PPM1L: variants seen among roughly 807,000 people sequenced by gnomAD.
The protein encoded by PPM1L is protein phosphatase 1L.
In PPM1L, 13 loss-of-function variants were observed where a neutral mutation model predicts 31.4. The observed-to-expected ratio is 0.41, with a 90% confidence interval of 0.27 to 0.66. PPM1L has a LOEUF of 0.66. Among genes scored for constraint, PPM1L ranks in the 30% least tolerant of loss-of-function variants. PPM1L has a pLI of 0.29. For synonymous variants in PPM1L, 184 were observed against 175.4 expected (o/e 1.05, Z -0.39); for missense variants, 326 against 453.7 (o/e 0.72, Z 2.56).
At position 160,871,948 on chromosome 3, in the gene PPM1L, T is replaced by A. The variant is rs777055754; in HGVS notation, c.400-89788T>A. On this transcript the variant is annotated intron_variant, in intron 1 of 3. Coordinates refer to ENST00000498165, the MANE Select transcript of PPM1L (RefSeq NM_139245.4). Reference sequence around the variant, plus strand: ...TATTTTAATTAAAGCATCTTTTTTTTAATTATTTATCTTATCCAGCAGTCA... The same window carrying A: ...TATTTTAATTAAAGCATCTTTTTTTAAATTATTTATCTTATCCAGCAGTCA... Among the ~76,000 whole-genome samples the A allele has an allele frequency of 4.5e-4, 68 of 152,208 alleles. 1 individual carries two copies. Among genetic ancestry groups the A allele is most frequent in the Non-Finnish European group, 7.9e-4 (54 of 68,038 alleles).
chr3:160,954,447 C>T (rs992238035), intron 1 of PPM1L, among the ~76,000 whole-genome samples: 2 of 151,902 alleles, frequency 1.3e-5, no homozygotes, highest in African/African-American at 4.8e-5. Flanking sequence ...CTGCAACCTC[C>T]ACCTCCCGGG....
rs375567864 is a variant in PPM1L, at chr3:160,965,140, A to G, written c.574+3230A>G. 2.1e-4 allele frequency among the ~76,000 whole-genome samples: 32 copies of G among 151,552 alleles called. 1 individual carries two copies. In the South Asian group the frequency reaches 6.5e-3, roughly 31 times the overall value. On this transcript the variant is annotated intron_variant, in intron 2 of 3. Transcript: ENST00000498165. ...GTGGTGGGCGCCTGTAGTCCCAGCT[A>G]CTCGGGAGGCTGAGGCAGGAGAATG...
At chr3:160,956,680 C>A (rs373081879) in intron 1 of PPM1L, among the ~76,000 whole-genome samples, 2 of 152,158 alleles carry the variant, frequency 1.3e-5, no homozygotes, top group Admixed American at 1.3e-4. Context: ...GCCATTTTGG[C>A]GTGTGAATTA....
At chr3:160,812,148 C>T (rs1712831631) in intron 1 of PPM1L, among the ~76,000 whole-genome samples, 1 of 152,214 alleles carries the variant, frequency 6.6e-6, no homozygotes, top group African/African-American at 2.4e-5. Context: ...TGGGCCTCTG[C>T]ACTGGATACT....
chr3:161,060,353 G>A (rs556103828), intron 2 of PPM1L, among the ~76,000 whole-genome samples: 1 of 152,278 alleles, frequency 6.6e-6, no homozygotes. Context: ...CCTTGAGCAA[G>A]GAAGGGAGTG....
intron 1 of PPM1L, among the ~76,000 whole-genome samples, chr3:160,762,738 A>G (rs111809933): frequency 0.016 from 2,494 of 152,196 alleles, 60 homozygotes; most frequent in African/African-American, 0.057. Context: ...GATATTAGAG[A>G]TTGAAGAAAA....
rs191686759 is a variant in PPM1L, at chr3:161,038,701, A to C, written c.575-26702A>C. Reference sequence around the variant, plus strand: ...TATTATAGTCTAGTCTCCCCTCTTAAGTGATTAATCTGAAAATCATGTGAA... The same window carrying C: ...TATTATAGTCTAGTCTCCCCTCTTACGTGATTAATCTGAAAATCATGTGAA... On this transcript the variant is annotated intron_variant, in intron 2 of 3. Transcript: ENST00000498165. Among the ~76,000 whole-genome samples the C allele has an allele frequency of 5.3e-5, 8 of 151,724 alleles. No homozygotes were observed. The East Asian group carries it at 1.4e-3, about 26-fold the overall frequency.
At chr3:160,836,415 A>G (rs1194264519) in intron 1 of PPM1L, among the ~76,000 whole-genome samples, 1 of 152,168 alleles carries the variant, frequency 6.6e-6, no homozygotes, top group East Asian at 1.9e-4. Context: ...CCGCTCTGTT[A>G]CTGATCTTGT....
At chr3:161,005,603 C>T (rs955117847) in intron 2 of PPM1L, among the ~76,000 whole-genome samples, 2 of 152,048 alleles carry the variant, frequency 1.3e-5, no homozygotes, top group Middle Eastern at 3.2e-3. Flanking sequence ...CACATGATCT[C>T]GGGCATGTTA....
At chr3:160,881,449 G>A (rs1712709584) in intron 1 of PPM1L, among the ~76,000 whole-genome samples, 1 of 152,138 alleles carries the variant, frequency 6.6e-6, no homozygotes, top group African/African-American at 2.4e-5. Context: ...GTGTGAGAAA[G>A]TATGTCAAGC....
intron 2 of PPM1L, among the ~76,000 whole-genome samples, chr3:161,045,821 A>G (rs1719043082): frequency 6.6e-6 from 1 of 152,138 alleles, no homozygotes; most frequent in African/African-American, 2.4e-5. Flanking sequence ...CCTTCAAAAA[A>G]TCAATGAGGG....
chr3:160,991,441 C>G (rs6441346), intron 2 of PPM1L, among the ~76,000 whole-genome samples: 1 of 151,934 alleles, frequency 6.6e-6, no homozygotes, highest in Non-Finnish European at 1.5e-5. Flanking sequence ...TAAGAATCCC[C>G]AAGGAGAGTT....
intron 2 of PPM1L, among the ~76,000 whole-genome samples, chr3:160,988,540 A>C (rs1302413111): frequency 6.6e-6 from 1 of 152,202 alleles, no homozygotes; most frequent in Admixed American, 6.5e-5. Flanking sequence ...AGCTTAGCTT[A>C]GCTGAGCATG....
At chr3:160,956,858 T>C (rs1014742979) in intron 1 of PPM1L, among the ~76,000 whole-genome samples, 10 of 152,238 alleles carry the variant, frequency 6.6e-5, no homozygotes, top group African/African-American at 2.4e-4. Flanking sequence ...AAACATTTTT[T>C]CCCAAGCTAT....
At chr3:160,842,068 G>A (rs1410105341) in intron 1 of PPM1L, 3 of 509,894 alleles carry the variant, frequency 5.9e-6, no homozygotes, top group Non-Finnish European at 1.0e-5. Context: ...AAATAGGAGA[G>A]TTTATGATGA....
intron 1 of PPM1L, among the ~76,000 whole-genome samples, chr3:160,879,753 G>T (rs1329278974): frequency 6.6e-6 from 1 of 152,170 alleles, no homozygotes; most frequent in Non-Finnish European, 1.5e-5. Flanking sequence ...TAGAGTTTCT[G>T]ATTTTGTAAG....
chr3:161,009,222 G>T (rs922745904), intron 2 of PPM1L, among the ~76,000 whole-genome samples: 3 of 152,268 alleles, frequency 2.0e-5, no homozygotes, highest in Admixed American at 6.5e-5. Flanking sequence ...CTGGTTACAT[G>T]AGCTGTGTTG....
At chr3:161,012,471 A>C (rs533177102) in intron 2 of PPM1L, among the ~76,000 whole-genome samples, 53 of 152,058 alleles carry the variant, frequency 3.5e-4, no homozygotes, top group African/African-American at 1.3e-3. Flanking sequence ...ATATTGGTCT[A>C]AAATTCTCTT....
intron 1 of PPM1L, among the ~76,000 whole-genome samples, chr3:160,932,918 GAA>G (rs961986392): frequency 4.1e-4 from 63 of 152,274 alleles, no homozygotes; most frequent in African/African-American, 1.5e-3. Flanking sequence ...TAAACACTGT[GAA>G]AATGCTTAAC....
Sources: allele counts gnomAD v4.1 joint callset (sites outside exome capture counted in the v4.1 genomes callset), GRCh38; gene constraint gnomAD v4.1.1; transcripts MANE v1.5; gene names NCBI Gene and HGNC (gene_info 2026-07-23, HGNC 2026-07-21).